Variants in TSPOAP1 observed in about 807,000 individuals in gnomAD.
The protein encoded by TSPOAP1 is peripheral-type benzodiazepine receptor-associated protein 1.
Under a neutral mutation model 197.0 loss-of-function variants are expected in TSPOAP1, and 87 were observed. That is an observed-to-expected ratio of 0.44 (90% CI 0.37 to 0.53). The LOEUF is 0.53. Ranked by LOEUF, TSPOAP1 falls within the 20% of genes least tolerant of loss-of-function variation. The pLI is 0.00. For synonymous variants in TSPOAP1, 913 were observed against 998.9 expected (o/e 0.91, Z 1.62); for missense variants, 2,174 against 2,411.3 (o/e 0.90, Z 2.06).
chr17:58,323,596 G>GCAGCCTGCCCCAGCC (rs1555624452), intron 5 of TSPOAP1, 51 bp from the exon 6 acceptor site: 1 of 1,587,006 alleles, frequency 6.3e-7, no homozygotes, highest in Non-Finnish European at 8.6e-7. Flanking sequence ...GGGCCCCAGG[G>GCAGCCTGCCCCAGCC]CAGCCTGCCC....
chr17:58,312,583 A>G lies in TSPOAP1; in HGVS notation c.2238T>C (p.Ser746=), dbSNP rs774800882. 3.1e-6 allele frequency: 5 copies of G among 1,612,792 alleles called. No homozygotes were observed. Among genetic ancestry groups the G allele is most frequent in the African/African-American group, 1.3e-5 (1 of 74,922 alleles). The change falls in exon 17 of 32, where the codon AGT becomes AGC. Residue 746 remains serine, a synonymous_variant. Coordinates refer to ENST00000343736, the MANE Select transcript of TSPOAP1 (RefSeq NM_004758.4). ...CGCTACTGCTGCCACCCCCACCTAC[A>G]CTCAGGAAACTGAGTTCAGGGCCTG... ...HSSGPELSFL[S]VGGGGSSSGG... is the part of the protein sequence containing the mutation.
intron 20 of TSPOAP1, 41 bp downstream of exon 20, chr17:58,310,471 T>C: frequency 6.2e-7 from 1 of 1,601,798 alleles, no homozygotes; most frequent in South Asian, 1.1e-5. Context: ...GAGACAGGCC[T>C]CAATTCTCTG....
chr17:58,308,729 T>C lies in TSPOAP1; in HGVS notation c.4543A>G (p.Ser1515Gly), dbSNP rs775431700. 4.4e-5 allele frequency: 71 copies of C among 1,612,902 alleles called. No homozygotes were observed. The highest frequency in any genetic ancestry group is 5.9e-5 in the Non-Finnish European group (70 of 1,179,990). Reference protein sequence around the residue: ...DEQEAGSGGISITSSCYPGDG... With the variant: ...DEQEAGSGGIGITSSCYPGDG... ...CCAGGGTAGCAGGAGCTGGTGATGC[T>C]GATGCCCCCGCTGCCCGCCTCCTGC... The change falls in exon 22 of 32, where the codon AGC becomes GGC. Residue 1515 changes from serine (S) to glycine (G), a missense_variant. Physicochemically the swap from Ser to Gly is moderately conservative, Grantham distance 56. Coordinates refer to ENST00000343736, the MANE Select transcript of TSPOAP1 (RefSeq NM_004758.4).
chr17:58,314,935 G>A (rs758310742), intron 16 of TSPOAP1, among the ~76,000 whole-genome samples: 9 of 152,202 alleles, frequency 5.9e-5, no homozygotes, highest in Non-Finnish European at 1.0e-4. Flanking sequence ...TCTTGCCCCC[G>A]GTGGCATTTA....
rs759046784 is a variant in TSPOAP1, at chr17:58,301,985, G to T, written c.*495C>A. 3.4e-5 allele frequency: 9 copies of T among 260,870 alleles called. No homozygotes were observed. The highest frequency in any genetic ancestry group is 1.9e-4 in the African/African-American group (8 of 42,782). 16.2% of individuals were successfully genotyped at this position (260,870 alleles called of 1,614,324 possible). A position where few individuals can be genotyped will look rare whatever the true frequency, so the allele number is the denominator to read the frequency against. ...ACGAGGTGGGTGGACCAGGACGCGAGGGTCCTGGGTCCAGTCCTGGCTCAG... is the reference window on the plus strand; with the variant it reads ...ACGAGGTGGGTGGACCAGGACGCGATGGTCCTGGGTCCAGTCCTGGCTCAG... On this transcript the variant is annotated 3_prime_UTR_variant, in exon 32 of 32. Coordinates refer to ENST00000343736, the MANE Select transcript of TSPOAP1 (RefSeq NM_004758.4).
chr17:58,311,226 G>A lies in TSPOAP1; in HGVS notation c.3082-13C>T, dbSNP rs1198830384. The A allele has an allele frequency of 1.2e-6, 2 of 1,608,872 alleles. No individual in the cohort carries two copies. Among genetic ancestry groups the A allele is most frequent in the South Asian group, 1.1e-5 (1 of 90,554 alleles). On this transcript the variant is annotated splice_polypyrimidine_tract_variant and intron_variant, in intron 18 of 31. Transcript: ENST00000343736. ...CCACCTCCATGATCTGCAGGGTGGA[G>A]GGGGCACAGGATGGGAAGCAGAGGC... is the stretch of plus-strand genomic sequence containing the variant.
chr17:58,305,725 A>G, intron 27 of TSPOAP1, 82 bp from the exon 28 acceptor site: 1 of 1,471,528 alleles, frequency 6.8e-7, no homozygotes. Context: ...ACCCCTGCTG[A>G]CCCCCTGTCA....
Position 58,320,601 on chromosome 17 carries a change from A to G in TSPOAP1, c.1423-20T>C. On this transcript the variant is annotated intron_variant, in intron 10 of 31. Coordinates refer to ENST00000343736, the MANE Select transcript of TSPOAP1 (RefSeq NM_004758.4). ...CTGGGCCTACAGGTGGGGGGAACCAAAATACTGGAGGGAAGGAGAAGGAAT... is the reference window on the plus strand; with the variant it reads ...CTGGGCCTACAGGTGGGGGGAACCAGAATACTGGAGGGAAGGAGAAGGAAT... 7.0e-7 allele frequency: 1 copy of G among 1,420,202 alleles called. No individual in the cohort carries two copies. The highest frequency in any genetic ancestry group is 3.0e-5 in the Admixed American group (1 of 33,636). The allele number at this position is 1,420,202 out of a possible 1,614,324, so 88.0% of individuals were successfully genotyped here. A position where few individuals can be genotyped will look rare whatever the true frequency, so the allele number is the denominator to read the frequency against.
chr17:58,305,983 G>T, intron 26 of TSPOAP1, 118 bp from the exon 27 acceptor site: 1 of 1,162,180 alleles, frequency 8.6e-7, no homozygotes. Context: ...AGGCTGCCGA[G>T]GGCGCATCTC....
chr17:58,306,241 C>G, intron 26 of TSPOAP1, 101 bp downstream of exon 26: 1 of 1,227,210 alleles, frequency 8.1e-7, no homozygotes, highest in Non-Finnish European at 1.2e-6. Context: ...CACCAGCACA[C>G]ACATCCTCCC....
chr17:58,323,429 C>A (rs1324257409), intron 6 of TSPOAP1, 39 bp downstream of exon 6: 1 of 1,614,108 alleles, frequency 6.2e-7, no homozygotes, highest in East Asian at 2.2e-5. Flanking sequence ...GTACATCTGC[C>A]CACAGCAGGC....
At position 58,305,151 on chromosome 17, in the gene TSPOAP1, C is replaced by T. The variant is rs11867412; in HGVS notation, c.5454G>A (p.Arg1818=). 226,114 of 1,612,532 alleles carry T rather than the reference C, an allele frequency of 0.14. 17,604 individuals are homozygous for T. Among genetic ancestry groups the T allele is most frequent in the Non-Finnish European group, 0.16 (188,545 of 1,178,674 alleles). The change falls in exon 30 of 32, where the codon AGG becomes AGA. Residue 1818 remains arginine (R), a synonymous_variant. Coordinates refer to ENST00000343736, the MANE Select transcript of TSPOAP1 (RefSeq NM_004758.4). ...CCAGGAAGTTGGATGGAACCAGGCC[C>T]CTTTGTCCATTTAATTCCCCCTGGA... ...GFYYGELNGQ[R]GLVPSNFLEG... is the part of the protein sequence containing the mutation.
Position 58,316,123 on chromosome 17 carries a change from G to A in TSPOAP1, c.1998C>T (p.Pro666=), listed in dbSNP as rs1971224813. The part of the protein sequence containing the change: ...QVFLARYSYN[P]FEGPNENPEA... ...CTGGATTCTCATTGGGACCCTCAAA[G>A]GGGTTGTAGCTGTTAGGGGAGGCAC... Residue 666 remains proline, a synonymous_variant, in exon 16 of 32, where the codon CCC becomes CCT. Transcript: ENST00000343736. The A allele has an allele frequency of 6.2e-7, 1 of 1,613,872 alleles. No individual in the cohort carries two copies. The highest frequency in any genetic ancestry group is 1.1e-5 in the South Asian group (1 of 91,074).
rs759038299 is a variant in TSPOAP1, at chr17:58,325,577, C to T, written c.707G>A (p.Arg236Gln). Residue 236 changes from arginine to glutamine, a missense_variant, in exon 4 of 32, where the codon CGG becomes CAG. This residue lies in a region of TSPOAP1 where 1,933 missense variants were observed against 2,139.0 expected (regional missense o/e 0.90). Transcript: ENST00000343736. ...AKDKQIAALQ[R>Q]ECRELQARLT... ...CCTGGCCTGCAGCTCCCTGCACTCC[C>T]GCTGCAAGGCAGCAATCTGCTTGTC... is the stretch of plus-strand genomic sequence containing the variant. 10 of 1,613,092 alleles carry T rather than the reference C, an allele frequency of 6.2e-6. No homozygotes were observed. The highest frequency in any genetic ancestry group is 1.3e-5 in the African/African-American group (1 of 74,936).
chr17:58,318,553 C>A, intron 13 of TSPOAP1, 101 bp from the exon 14 acceptor site: 1 of 1,193,648 alleles, frequency 8.4e-7, no homozygotes, highest in Non-Finnish European at 1.1e-6. Context: ...CCTCCATAGC[C>A]GGGCTTCCTT....
rs750049454 is a variant in TSPOAP1, at chr17:58,311,606, C to G, written c.3046G>C (p.Val1016Leu). ...DAAGTSNGVRVTGYAIYADGQ... is the reference protein window; with the variant it reads ...DAAGTSNGVRLTGYAIYADGQ... ...TCAGCGTAGATGGCATAGCCTGTGA[C>G]CCGGACACCGTTGGATGTGCCAGCA... is the stretch of plus-strand genomic sequence containing the variant. The change falls in exon 18 of 32, where the codon GTC (valine) becomes CTC (leucine). Residue 1016 changes from valine to leucine, a missense_variant. Val to Leu is a conservative substitution (Grantham distance 32). Transcript: ENST00000343736. The G allele has an allele frequency of 3.1e-6, 5 of 1,605,470 alleles. No homozygotes were observed. In the South Asian group the frequency reaches 5.5e-5, roughly 18 times the overall value.
At chr17:58,316,982 A>T (rs1307499936) in intron 14 of TSPOAP1, among the ~76,000 whole-genome samples, 6 of 152,158 alleles carry the variant, frequency 3.9e-5, no homozygotes, top group African/African-American at 1.4e-4. Context: ...AGATTGCTTG[A>T]GCCAGGAGTT....
In TSPOAP1 at chr17:58,322,227, C is replaced by T; in HGVS notation, c.1422+81G>A. On this transcript the variant is annotated intron_variant, in intron 10 of 31. Coordinates refer to ENST00000343736, the MANE Select transcript of TSPOAP1 (RefSeq NM_004758.4). The surrounding 1 kb of genome is among the most constrained non-coding windows in gnomAD (Gnocchi z 5.0). ...CCCCGACGCCTAGCACAGTGCCGGG[C>T]ACACAGTAAATGCTTGTGGAATGAG... The T allele has an allele frequency of 1.4e-6, 2 of 1,400,236 alleles. No individual in the cohort carries two copies. The highest frequency in any genetic ancestry group is 2.0e-6 in the Non-Finnish European group (2 of 1,008,960). 86.7% of individuals were successfully genotyped at this position (1,400,236 alleles called of 1,614,324 possible).
intron 22 of TSPOAP1, 133 bp downstream of exon 22, chr17:58,308,408 G>A: frequency 7.5e-7 from 1 of 1,338,600 alleles, no homozygotes; most frequent in Non-Finnish European, 1.0e-6. Flanking sequence ...GGCAGGTGAG[G>A]GAGCCCGGAG....
Sources: allele counts gnomAD v4.1 joint callset (sites outside exome capture counted in the v4.1 genomes callset), GRCh38; gene constraint gnomAD v4.1.1; regional missense constraint gnomAD v4.1.1; non-coding constraint Gnocchi (gnomAD v3.1); transcripts MANE v1.5; gene names NCBI Gene and HGNC (gene_info 2026-07-23, HGNC 2026-07-21).